The following DNAH14 variants were observed in gnomAD, a reference collection of about 807,000 sequenced individuals.
DNAH14 encodes the protein dynein axonemal heavy chain 14, also known as axonemal beta dynein heavy chain 14.
DNAH14 carries 478 observed loss-of-function variants against 520.9 expected under a neutral mutation model. The observed-to-expected ratio is 0.92, with a 90% CI of 0.85 to 0.99. The LOEUF (loss-of-function observed/expected upper bound fraction) is 0.99. Ranked by LOEUF, DNAH14 falls within the 50% of genes least tolerant of loss-of-function variation. The pLI is 0.00. For missense variants in DNAH14, 4,831 were observed against 5,234.5 expected, an observed-to-expected ratio of 0.92 and a Z score of 2.38; for synonymous variants, 1,581 against 1,757.2, an observed-to-expected ratio of 0.90 and a Z score of 2.51.
rs186200174 is a variant in DNAH14 at position 225,102,939 on chromosome 1, T to G, written c.3867+2055T>G. On this transcript the variant is annotated intron_variant, in intron 23 of 85. Coordinates refer to ENST00000682510, the MANE Select transcript of DNAH14 (RefSeq NM_001367479.1). ...TTGGCTTTTGTTGCCATTGCTTTTGTTGTTTTAGACATGAAGTCCTTGGCC... is the reference window on the plus strand; with the variant it reads ...TTGGCTTTTGTTGCCATTGCTTTTGGTGTTTTAGACATGAAGTCCTTGGCC... Among the ~76,000 whole-genome samples the G allele has an allele frequency of 3.9e-3, 600 of 152,212 alleles. 5 individuals are homozygous for G. Among genetic ancestry groups the G allele is most frequent in the African/African-American group, 0.013 (556 of 41,562 alleles).
At chr1:225,002,645 A>G (rs1450000386) in intron 8 of DNAH14, 138 bp from the exon 9 acceptor site, 1 of 848,002 alleles carries the variant, frequency 1.2e-6, no homozygotes, top group Non-Finnish European at 1.8e-6. Context: ...AATGCTTACT[A>G]ATCATTATCG....
intron 38 of DNAH14, among the ~76,000 whole-genome samples, chr1:225,203,943 C>G (rs2087196126): frequency 6.6e-6 from 1 of 152,092 alleles, no homozygotes; most frequent in Non-Finnish European, 1.5e-5. Context: ...CTACAATAAG[C>G]ATGTACTGTC....
chr1:225,364,902 C>A lies in DNAH14; in HGVS notation c.12090+8C>A. On this transcript the variant is annotated splice_region_variant and intron_variant, in intron 76 of 85. Transcript: ENST00000682510. ...CTTAAAAAGGGTTTAAAGGTAAGAA[C>A]AAAGTATAACAGATTTAATGTTGAC... The A allele has an allele frequency of 6.5e-7, 1 of 1,527,634 alleles. No individual in the cohort carries two copies. The highest frequency in any genetic ancestry group is 8.8e-7 in the Non-Finnish European group (1 of 1,131,894). 94.6% of individuals were successfully genotyped at this position (1,527,634 alleles called of 1,614,324 possible).
At chr1:225,237,014 C>CT (rs34751509) in intron 42 of DNAH14, among the ~76,000 whole-genome samples, 4 of 152,040 alleles carry the variant, frequency 2.6e-5, no homozygotes, top group African/African-American at 9.7e-5. Flanking sequence ...TGCTACCCCA[C>CT]TTTTTTTGTT....
At chr1:225,213,253 G>A (rs938591647) in intron 41 of DNAH14, among the ~76,000 whole-genome samples, 1 of 152,080 alleles carries the variant, frequency 6.6e-6, no homozygotes, top group African/African-American at 2.4e-5. Flanking sequence ...GCTCTATTCT[G>A]TTCCATTGGT....
chr1:225,272,718 G>C (rs1276451600), intron 51 of DNAH14, among the ~76,000 whole-genome samples: 2 of 152,086 alleles, frequency 1.3e-5, no homozygotes, highest in Non-Finnish European at 2.9e-5. Context: ...ATTAGATGTG[G>C]CTGAGGAGTC....
At chr1:225,220,788 A>G (rs545179540) in intron 41 of DNAH14, among the ~76,000 whole-genome samples, 5 of 152,350 alleles carry the variant, frequency 3.3e-5, no homozygotes, top group Non-Finnish European at 7.3e-5. Context: ...TCTTCACAGA[A>G]TTAGAAAAAA....
intron 17 of DNAH14, among the ~76,000 whole-genome samples, chr1:225,073,795 C>T (rs1302131372): frequency 2.0e-5 from 3 of 151,944 alleles, no homozygotes; most frequent in African/African-American, 4.8e-5. Flanking sequence ...AAGCAATTCT[C>T]CTGCCTCAGC....
chr1:225,074,832 A>T (rs1040382977), intron 17 of DNAH14, among the ~76,000 whole-genome samples: 3 of 152,196 alleles, frequency 2.0e-5, no homozygotes, highest in Non-Finnish European at 2.9e-5. Flanking sequence ...CAAGAGCTTC[A>T]TCTCAGGTGC....
At chr1:225,147,445 ACT>A (rs1159612942) in intron 31 of DNAH14, among the ~76,000 whole-genome samples, 196 bp downstream of exon 31, 2 of 152,084 alleles carry the variant, frequency 1.3e-5, no homozygotes, top group Non-Finnish European at 2.9e-5. Flanking sequence ...TATATTTATA[ACT>A]CTAACTTTCA....
At chr1:225,390,190 G>T (rs938344595) in intron 83 of DNAH14, among the ~76,000 whole-genome samples, 2 of 152,110 alleles carry the variant, frequency 1.3e-5, no homozygotes, top group South Asian at 2.1e-4. Context: ...TCCTCCAAAG[G>T]CCGTGACAAA....
rs779955057 is a variant in DNAH14 at position 225,151,920 on chromosome 1, T to A, written c.4941-85T>A. 5 of 1,128,272 alleles carry A rather than the reference T, an allele frequency of 4.4e-6. No individual in the cohort carries two copies. The South Asian group carries it at 6.6e-5, about 15-fold the overall frequency. The allele number at this position is 1,128,272 out of a possible 1,614,324, so 69.9% of individuals were successfully genotyped here. A position where few individuals can be genotyped will look rare whatever the true frequency, so the allele number is the denominator to read the frequency against. On this transcript the variant is annotated intron_variant, in intron 31 of 85. Coordinates refer to ENST00000682510, the MANE Select transcript of DNAH14 (RefSeq NM_001367479.1). ...GCATTTAAATGTAACACAGCCTTAA[T>A]AAAGCTTCCAAACTCACTTATAGTT...
chr1:225,087,371 AC>A (rs2073936580), intron 21 of DNAH14, among the ~76,000 whole-genome samples: 1 of 152,124 alleles, frequency 6.6e-6, no homozygotes, highest in South Asian at 2.1e-4. Flanking sequence ...TGATCTAATA[AC>A]CTCTTAAAGG....
chr1:225,373,228 G>A (rs915510626), intron 77 of DNAH14, among the ~76,000 whole-genome samples: 2 of 151,762 alleles, frequency 1.3e-5, no homozygotes, highest in African/African-American at 4.8e-5. Context: ...GGCCGGGCGC[G>A]GTGGGTAATC....
chr1:225,045,077 A>G (rs76646941), intron 15 of DNAH14, among the ~76,000 whole-genome samples: 8,019 of 152,182 alleles, frequency 0.053, 320 homozygotes, highest in Non-Finnish European at 0.078. Flanking sequence ...ATAAAGCCAT[A>G]TATATAATTC....
Position 225,277,862 on chromosome 1 carries a change from C to T in DNAH14, c.8271+360C>T, listed in dbSNP as rs184402932. Among the ~76,000 whole-genome samples the T allele has an allele frequency of 3.7e-4, 56 of 152,048 alleles. 1 individual carries two copies. The East Asian group carries it at 0.01, about 27-fold the overall frequency. On this transcript the variant is annotated intron_variant, in intron 54 of 85. Coordinates refer to ENST00000682510, the MANE Select transcript of DNAH14 (RefSeq NM_001367479.1). ...ATGTTTTGCTTCTCATGAGAACAAG[C>T]GGGAGTTAAAATCTTGGAAAATTCC...
chr1:225,007,007 C>T (rs2501125), intron 9 of DNAH14, among the ~76,000 whole-genome samples: 129,185 of 152,122 alleles, frequency 0.85, 56,315 homozygotes, highest in Non-Finnish European at 0.96. Context: ...TAGAAAAGAA[C>T]ATACGTTGAA....
In DNAH14 at chr1:225,340,487, C is replaced by T. The variant is rs115148958; in HGVS notation, c.10464C>T (p.Pro3488=). The T allele has an allele frequency of 0.019, 30,062 of 1,550,610 alleles. 337 individuals are homozygous for T. The highest frequency in any genetic ancestry group is 0.022 in the Non-Finnish European group (25,434 of 1,146,266). ...ACTTATCTACAGAAATAGACAACCC[C>T]CATTTTCTTCCATCAGTTTATAACT... The part of the protein sequence containing the change: ...RLYLSTEIDN[P]HFLPSVYNFV... The change falls in exon 69 of 86, where the codon CCC becomes CCT. Residue 3488 remains proline, a synonymous_variant. Coordinates refer to ENST00000682510, the MANE Select transcript of DNAH14 (RefSeq NM_001367479.1).
intron 66 of DNAH14, among the ~76,000 whole-genome samples, chr1:225,334,864 G>GTC (rs897534457): frequency 6.2e-5 from 9 of 145,186 alleles, no homozygotes; most frequent in South Asian, 2.2e-4. Flanking sequence ...CCAAGTCTCT[G>GTC]TCTCTCTCTC....
Sources: allele counts gnomAD v4.1 joint callset (sites outside exome capture counted in the v4.1 genomes callset), GRCh38; gene constraint gnomAD v4.1.1; transcripts MANE v1.5; gene names NCBI Gene and HGNC (gene_info 2026-07-23, HGNC 2026-07-21).